The following SMIM7 variants were observed in gnomAD, a reference collection of about 807,000 sequenced individuals.
SMIM7 encodes small integral membrane protein 7.
A neutral mutation model predicts 13.3 loss-of-function variants in SMIM7; 12 were observed. The ratio of observed to expected loss-of-function variants is 0.90; its 90% CI spans 0.58 to 1.46. The LOEUF is 1.46. SMIM7 is among the 40% of genes most tolerant of loss of function. The pLI is 0.00. For missense variants in SMIM7, 114 were observed against 94.8 expected (o/e 1.20, Z -0.84); for synonymous variants, 36 against 35.8 (o/e 1.01, Z -0.02).
chr19:16,632,171 G>A (rs567561972), intron 4 of SMIM7, among the ~76,000 whole-genome samples: 87 of 151,846 alleles, frequency 5.7e-4, no homozygotes, highest in African/African-American at 1.7e-3. Context: ...CCCGGCCGCT[G>A]GCAGAAATTT....
At chr19:16,632,978 G>C (rs370980812) in intron 4 of SMIM7, among the ~76,000 whole-genome samples, 7 of 152,318 alleles carry the variant, frequency 4.6e-5, no homozygotes, top group South Asian at 4.1e-4. Flanking sequence ...AGCACTATTT[G>C]TAAGAGTGAA....
At chr19:16,649,103 G>T (rs1328248871) in intron 4 of SMIM7, among the ~76,000 whole-genome samples, 2 of 152,180 alleles carry the variant, frequency 1.3e-5, no homozygotes. Flanking sequence ...AGGATACGGA[G>T]AAAGTGTAAC....
At chr19:16,644,118 G>GTTTTTTTTTTT (rs557600997), downstream of SMIM7, among the ~76,000 whole-genome samples, 20 of 85,398 alleles carry the variant, frequency 2.3e-4, no homozygotes, top group South Asian at 8.1e-4. Flanking sequence ...AATTGTTTGC[G>GTTTTTTTTTTT]TTTTTTTTTT....
intron 4 of SMIM7, 59 bp from the exon 5 acceptor site, chr19:16,647,320 A>G: frequency 2.5e-6 from 4 of 1,594,010 alleles, no homozygotes; most frequent in Non-Finnish European, 3.4e-6. Flanking sequence ...TTCTAAAAAT[A>G]TTGTCAGCGA....
chr19:16,658,993 G>A (rs1271040527), intron 3 of SMIM7, among the ~76,000 whole-genome samples: 2 of 152,002 alleles, frequency 1.3e-5, no homozygotes, highest in African/African-American at 2.4e-5. Context: ...TCACACACAC[G>A]CTCAATTAAA....
At chr19:16,655,329 TC>T (rs1389209790) in intron 3 of SMIM7, 3 of 456,212 alleles carry the variant, frequency 6.6e-6, no homozygotes, top group African/African-American at 2.0e-5. Flanking sequence ...TCTAGACCCT[TC>T]TTCCAGGGTT....
At chr19:16,658,794 C>T (rs762998364) in intron 3 of SMIM7, among the ~76,000 whole-genome samples, 3 of 151,992 alleles carry the variant, frequency 2.0e-5, no homozygotes, top group Non-Finnish European at 2.9e-5. Flanking sequence ...ACAAGCCAAG[C>T]TAGGGCCTCT....
intron 4 of SMIM7, among the ~76,000 whole-genome samples, chr19:16,632,535 A>ATTT (rs397933494): frequency 1.8e-4 from 23 of 126,954 alleles, no homozygotes; most frequent in African/African-American, 4.2e-4. Flanking sequence ...AACTGTGAAC[A>ATTT]TTTTTTTTTT....
At chr19:16,636,360 G>C (rs1040888134) in intron 4 of SMIM7, 1 of 152,094 alleles carries the variant, frequency 6.6e-6, no homozygotes, top group Non-Finnish European at 1.5e-5. Flanking sequence ...TTCCAGAATT[G>C]TAAAGAATAA....
chr19:16,650,226 T>C (rs1307628218), intron 4 of SMIM7, among the ~76,000 whole-genome samples: 1 of 152,216 alleles, frequency 6.6e-6, no homozygotes, highest in Non-Finnish European at 1.5e-5. Context: ...ACCACCTACA[T>C]TCTGCAATTA....
chr19:16,642,163 T>G (rs577247500), downstream of SMIM7, among the ~76,000 whole-genome samples: 1 of 152,350 alleles, frequency 6.6e-6, no homozygotes, highest in South Asian at 2.1e-4. Flanking sequence ...AGCCTTGTTT[T>G]CTAATACACA....
At chr19:16,645,645 T>TCCA (rs2086441316), downstream of SMIM7, 1 of 149,276 alleles carries the variant, frequency 6.7e-6, no homozygotes, top group Non-Finnish European at 1.5e-5. Flanking sequence ...CAGTCAAAAT[T>TCCA]CCACTTACTC....
chr19:16,644,299 T>G (rs890408531), downstream of SMIM7, among the ~76,000 whole-genome samples: 1 of 151,762 alleles, frequency 6.6e-6, no homozygotes, highest in South Asian at 2.1e-4. Context: ...TTTTGTATTT[T>G]TTAGTAGAGA....
chr19:16,651,873 G>T (rs1358463147), intron 4 of SMIM7, among the ~76,000 whole-genome samples: 1 of 149,484 alleles, frequency 6.7e-6, no homozygotes, highest in African/African-American at 2.5e-5. Context: ...GAAGCATGCT[G>T]ACTTCTTCCC....
chr19:16,643,441 T>G (rs970974092), downstream of SMIM7, among the ~76,000 whole-genome samples: 2 of 152,220 alleles, frequency 1.3e-5, no homozygotes, highest in Admixed American at 1.3e-4. Context: ...TCTCACTGTG[T>G]CACTCAGGCT....
intron 3 of SMIM7, 133 bp downstream of exon 3, chr19:16,659,262 A>G: frequency 1.2e-6 from 1 of 868,954 alleles, no homozygotes; most frequent in Non-Finnish European, 1.8e-6. Context: ...CAACCTGGAC[A>G]ACAGAGCAAG....
intron 4 of SMIM7, chr19:16,636,305 G>A (rs1169716856): frequency 6.6e-6 from 1 of 152,160 alleles, no homozygotes; most frequent in South Asian, 2.1e-4. Flanking sequence ...CAGCTATGCG[G>A]ACACATTGAT....
chr19:16,647,256 A>T lies in SMIM7; in HGVS notation c.218T>A (p.Phe73Tyr). The change falls in exon 5 of 5, where the codon TTC (phenylalanine) becomes TAC (tyrosine). Residue 73 changes from phenylalanine to tyrosine, a missense_variant. Coordinates refer to ENST00000487416, the MANE Select transcript of SMIM7 (RefSeq NM_024104.4). ...TTTCATCGCTGGGATTCAAGAGCCG[A>T]ACAGCCTGGAGAAGTCAGAGGGCAG... ...IFMMFCMIVL[F>Y]GS The T allele has an allele frequency of 6.2e-7, 1 of 1,614,028 alleles. No homozygotes were observed. The highest frequency in any genetic ancestry group is 1.1e-5 in the South Asian group (1 of 91,014).
At chr19:16,635,899 A>AAAAAAAAAATATAT (rs1200181092) in intron 4 of SMIM7, among the ~76,000 whole-genome samples, 7 of 109,578 alleles carry the variant, frequency 6.4e-5, no homozygotes, top group African/African-American at 2.6e-4. Flanking sequence ...AAAAAAAAAA[A>AAAAAAAAAATATAT]ATATATATAT....
Sources: gnomAD v4.1 joint callset for allele counts (sites outside exome capture counted in the v4.1 genomes callset) on GRCh38, gnomAD v4.1.1 for gene constraint, MANE v1.5 for transcripts, NCBI Gene and HGNC (gene_info 2026-07-23, HGNC 2026-07-21) for gene names.